Variants in SHOC2 observed in about 807,000 individuals in gnomAD.
SHOC2 encodes the protein SHOC2 leucine rich repeat scaffold protein.
A neutral mutation model predicts 50.2 loss-of-function variants in SHOC2; 4 were observed. The ratio of observed to expected loss-of-function variants is 0.08; its 90% confidence interval spans 0.04 to 0.18. The LOEUF (loss-of-function observed/expected upper bound fraction) is 0.18, where lower values mean the gene tolerates loss of function less well. Ranked by LOEUF, SHOC2 falls within the 10% of genes least tolerant of loss-of-function variation. The probability of loss-of-function intolerance (pLI) is 1.00; values close to 1 mark genes in which losing one functional copy is unlikely to be tolerated. For missense variants in SHOC2, 388 were observed against 669.6 expected (o/e 0.58, Z 4.64); for synonymous variants, 218 against 244.5 (o/e 0.89, Z 1.01).
At chr10:110,947,499 G>A (rs1046455062) in intron 1 of SHOC2, among the ~76,000 whole-genome samples, 1 of 152,134 alleles carries the variant, frequency 6.6e-6, no homozygotes, top group Non-Finnish European at 1.5e-5. Flanking sequence ...AAATGATCAG[G>A]GAAACGTGAC....
Position 111,009,391 on chromosome 10 carries a change from C to T in SHOC2, c.1422+6C>T, listed in dbSNP as rs750655690. 6.2e-7 allele frequency: 1 copy of T among 1,604,542 alleles called. No individual in the cohort carries two copies. Among genetic ancestry groups the T allele is most frequent in the Non-Finnish European group, 8.5e-7 (1 of 1,172,094 alleles). On this transcript the variant is annotated splice_donor_region_variant and intron_variant, in intron 7 of 8. Coordinates refer to ENST00000369452, the MANE Select transcript of SHOC2 (RefSeq NM_007373.4). Reference sequence around the variant, plus strand: ...CATATCTTAAGGATTTACAGGTAAACATTATGCTGATTTTGTAGTTTTATA... The same window carrying T: ...CATATCTTAAGGATTTACAGGTAAATATTATGCTGATTTTGTAGTTTTATA...
intron 3 of SHOC2, among the ~76,000 whole-genome samples, chr10:110,991,987 C>T (rs1212282423): frequency 1.3e-5 from 2 of 152,154 alleles, no homozygotes; most frequent in African/African-American, 4.8e-5. Flanking sequence ...AAGAATCTTG[C>T]CCTAAACTTG....
chr10:110,947,338 C>A (rs989777634), intron 1 of SHOC2, among the ~76,000 whole-genome samples: 2 of 152,226 alleles, frequency 1.3e-5, no homozygotes, highest in Non-Finnish European at 1.5e-5. Context: ...AGGCAGCAAG[C>A]CTGCTCGTGG....
chr10:110,949,821 A>G (rs1342876128), intron 1 of SHOC2, among the ~76,000 whole-genome samples: 1 of 152,192 alleles, frequency 6.6e-6, no homozygotes, highest in Non-Finnish European at 1.5e-5. Flanking sequence ...AACAGAATGA[A>G]GGACAGAAAT....
intron 1 of SHOC2, among the ~76,000 whole-genome samples, chr10:110,929,890 T>C (rs183493295): frequency 6.6e-6 from 1 of 152,364 alleles, no homozygotes; most frequent in Admixed American, 6.5e-5. Context: ...TTGGGAATTG[T>C]AGGGTTGTGT....
intron 1 of SHOC2, among the ~76,000 whole-genome samples, chr10:110,953,839 T>A (rs924025340): frequency 7.9e-5 from 12 of 151,616 alleles, no homozygotes; most frequent in Admixed American, 5.9e-4. Flanking sequence ...AAATATACTT[T>A]AAAAATGGAT....
At chr10:110,996,696 A>C (rs1211516030) in intron 3 of SHOC2, among the ~76,000 whole-genome samples, 3 of 152,206 alleles carry the variant, frequency 2.0e-5, no homozygotes, top group African/African-American at 7.2e-5. Flanking sequence ...TATAAAATAC[A>C]GTTTTATAGA....
chr10:110,972,001 C>T (rs1416356639), intron 2 of SHOC2, among the ~76,000 whole-genome samples: 1 of 151,648 alleles, frequency 6.6e-6, no homozygotes, highest in Non-Finnish European at 1.5e-5. Flanking sequence ...TTTAATTTAA[C>T]TCCTATTATG....
At chr10:110,985,512 GT>G in intron 2 of SHOC2, 115 bp from the exon 3 acceptor site, 1 of 757,698 alleles carries the variant, frequency 1.3e-6, no homozygotes, top group Non-Finnish European at 2.2e-6. Context: ...ATCTAATAAG[GT>G]TATGTTTCCC....
intron 2 of SHOC2, among the ~76,000 whole-genome samples, chr10:110,973,515 T>A (rs1847820902): frequency 6.6e-6 from 1 of 152,144 alleles, no homozygotes; most frequent in Admixed American, 6.5e-5. Flanking sequence ...AAAATTTTGA[T>A]CATGGTTTGG....
At chr10:110,976,330 G>A (rs1432835965) in intron 2 of SHOC2, among the ~76,000 whole-genome samples, 3 of 118,898 alleles carry the variant, frequency 2.5e-5, no homozygotes, top group Non-Finnish European at 3.5e-5. Flanking sequence ...TTTTTTTTTT[G>A]AGGCAGGATC....
intron 2 of SHOC2, among the ~76,000 whole-genome samples, chr10:110,974,543 T>C (rs1244866618): frequency 6.6e-6 from 1 of 152,174 alleles, no homozygotes. Flanking sequence ...CTTGTGTTTC[T>C]ATCCTGCCTG....
chr10:110,932,764 T>C (rs777841454), intron 1 of SHOC2, among the ~76,000 whole-genome samples: 4 of 152,224 alleles, frequency 2.6e-5, no homozygotes, highest in Non-Finnish European at 4.4e-5. Context: ...CTCACTTGTG[T>C]ATAAGCTTTC....
Position 111,013,131 on chromosome 10 carries a change from C to G in SHOC2, c.*1313C>G, listed in dbSNP as rs936926753. On this transcript the variant is annotated 3_prime_UTR_variant, in exon 9 of 9. Transcript: ENST00000369452. ...GGAAGTTCTGTAAGATGTGCATGTA[C>G]TATTTGATGCGTTTTCTTTGCTTCA... The G allele has an allele frequency of 6.6e-6, 1 of 152,316 alleles. No homozygotes were observed. Among genetic ancestry groups the G allele is most frequent in the African/African-American group, 2.4e-5 (1 of 41,440 alleles). The allele number at this position is 152,316 out of a possible 1,614,324, so 9.4% of individuals were successfully genotyped here.
At chr10:110,994,545 T>C (rs1284185318) in intron 3 of SHOC2, among the ~76,000 whole-genome samples, 1 of 152,152 alleles carries the variant, frequency 6.6e-6, no homozygotes, top group Non-Finnish European at 1.5e-5. Flanking sequence ...ACACATGACA[T>C]GAAACACTTT....
intron 1 of SHOC2, among the ~76,000 whole-genome samples, chr10:110,952,308 A>T (rs1847370011): frequency 6.6e-6 from 1 of 152,126 alleles, no homozygotes; most frequent in Non-Finnish European, 1.5e-5. Flanking sequence ...CCCTGCCACC[A>T]CCATCTTGCA....
At chr10:110,930,658 G>A (rs1309291845) in intron 1 of SHOC2, among the ~76,000 whole-genome samples, 1 of 150,100 alleles carries the variant, frequency 6.7e-6, no homozygotes, top group Non-Finnish European at 1.5e-5. Context: ...TATATCTTGG[G>A]AATACTTAAG....
At chr10:111,002,485 A>C (rs954692507) in intron 4 of SHOC2, among the ~76,000 whole-genome samples, 1 of 152,214 alleles carries the variant, frequency 6.6e-6, no homozygotes, top group Non-Finnish European at 1.5e-5. Context: ...AGGTGTATAC[A>C]TATAGAAAAG....
At chr10:110,942,678 T>G (rs890864770) in intron 1 of SHOC2, among the ~76,000 whole-genome samples, 3 of 152,236 alleles carry the variant, frequency 2.0e-5, no homozygotes, top group Non-Finnish European at 4.4e-5. Context: ...TCGGACTCTT[T>G]CATGTATATT....
Sources: gnomAD v4.1 joint callset for allele counts (sites outside exome capture counted in the v4.1 genomes callset) on GRCh38, gnomAD v4.1.1 for gene constraint, MANE v1.5 for transcripts, NCBI Gene and HGNC (gene_info 2026-07-23, HGNC 2026-07-21) for gene names.